Variants in ARHGAP6 observed in about 807,000 individuals in gnomAD.
ARHGAP6 encodes Rho GTPase activating protein 6.
A neutral mutation model predicts 55.7 loss-of-function variants in ARHGAP6; 16 were observed. The observed-to-expected ratio is 0.29, with a 90% CI of 0.19 to 0.44. The LOEUF is 0.44. ARHGAP6 is among the 20% of genes least tolerant of loss of function. The pLI is 1.00. For missense variants in ARHGAP6, 698 were observed against 808.9 expected, an observed-to-expected ratio of 0.86 and a Z score of 1.66; for synonymous variants, 382 against 360.9, an observed-to-expected ratio of 1.06 and a Z score of -0.66.
intron 1 of ARHGAP6, among the ~76,000 whole-genome samples, chrX:11,379,472 C>T (rs1180116074): frequency 1.8e-5 from 2 of 112,227 alleles, no homozygotes; most frequent in Non-Finnish European, 3.8e-5. Flanking sequence ...CCAGAAACTA[C>T]TGGAACCTTT....
intron 1 of ARHGAP6, among the ~76,000 whole-genome samples, chrX:11,520,104 T>C (rs1464231834): frequency 2.4e-5 from 2 of 82,837 alleles, no homozygotes; most frequent in Non-Finnish European, 4.6e-5. Context: ...AAAGGGCCAA[T>C]GTTCTTTAAC....
At chrX:11,551,733 T>C (rs1369672203) in intron 1 of ARHGAP6, among the ~76,000 whole-genome samples, 2 of 111,815 alleles carry the variant, frequency 1.8e-5, no homozygotes, top group East Asian at 2.8e-4. Context: ...GATACACACA[T>C]AGAAAGAATG....
At chrX:11,289,186 A>G (rs1390818643) in intron 1 of ARHGAP6, among the ~76,000 whole-genome samples, 1 of 106,405 alleles carries the variant, frequency 9.4e-6, no homozygotes, top group African/African-American at 3.5e-5. Context: ...TTTCCTACTC[A>G]TGATTTAAAA....
intron 2 of ARHGAP6, among the ~76,000 whole-genome samples, chrX:11,222,300 C>A (rs986324019): frequency 8.9e-6 from 1 of 112,122 alleles, no homozygotes; most frequent in Non-Finnish European, 1.9e-5. Context: ...GTTTTCAGTT[C>A]TTCTATAGCA....
intron 1 of ARHGAP6, among the ~76,000 whole-genome samples, chrX:11,275,889 G>A (rs2047756376): frequency 9.0e-6 from 1 of 111,585 alleles, no homozygotes; most frequent in Non-Finnish European, 1.9e-5. Flanking sequence ...GAGAAGCCCT[G>A]TCGTCCCCCT....
intron 1 of ARHGAP6, among the ~76,000 whole-genome samples, chrX:11,275,109 AAAACTAC>A (rs2047740840): frequency 8.9e-6 from 1 of 111,903 alleles, no homozygotes; most frequent in Admixed American, 9.5e-5. Context: ...CTTGTAATTA[AAAACTAC>A]AAACATTATA....
intron 1 of ARHGAP6, among the ~76,000 whole-genome samples, chrX:11,506,838 T>C: frequency 8.9e-6 from 1 of 112,069 alleles, no homozygotes; most frequent in African/African-American, 3.2e-5. Context: ...ATGGTTGAAC[T>C]AGTTTACAGT....
intron 1 of ARHGAP6, among the ~76,000 whole-genome samples, chrX:11,530,684 T>A (rs889387186): frequency 1.3e-4 from 15 of 111,760 alleles, no homozygotes; most frequent in African/African-American, 9.8e-5. Flanking sequence ...GATCTTTTTT[T>A]AAAAATCCTT....
intron 1 of ARHGAP6, among the ~76,000 whole-genome samples, chrX:11,540,141 C>G (rs2081973975): frequency 9.2e-6 from 1 of 109,272 alleles, no homozygotes; most frequent in African/African-American, 3.3e-5. Context: ...GTAATCCCAG[C>G]TACTCAGGAG....
At chrX:11,577,849 C>T (rs949217584) in intron 1 of ARHGAP6, among the ~76,000 whole-genome samples, 2 of 110,777 alleles carry the variant, frequency 1.8e-5, no homozygotes, top group African/African-American at 6.6e-5. Flanking sequence ...TAAAACTCAA[C>T]ACAGTCAAAA....
intron 1 of ARHGAP6, among the ~76,000 whole-genome samples, chrX:11,529,594 C>T (rs181947842): frequency 3.4e-3 from 378 of 111,554 alleles, no homozygotes; most frequent in African/African-American, 0.012. Context: ...CTTTGAGTAG[C>T]ATGGATCTAA....
At chrX:11,185,036 T>A (rs1461239080) in intron 5 of ARHGAP6, among the ~76,000 whole-genome samples, 2 of 111,954 alleles carry the variant, frequency 1.8e-5, no homozygotes, top group African/African-American at 6.5e-5. Context: ...TATTTGTGTA[T>A]CTAAATATAG....
chrX:11,322,257 G>A (rs1361906031), intron 1 of ARHGAP6, among the ~76,000 whole-genome samples: 1 of 111,923 alleles, frequency 8.9e-6, no homozygotes, highest in Non-Finnish European at 1.9e-5. Flanking sequence ...TCCTTGGCCA[G>A]TAGCAAATCA....
intron 1 of ARHGAP6, chrX:11,334,846 G>T: frequency 5.7e-6 from 1 of 174,202 alleles, no homozygotes; most frequent in South Asian, 1.1e-4. Flanking sequence ...TCCTTTCACT[G>T]CTTTGCATGA....
At chrX:11,647,166 T>C (rs1266295596) in intron 1 of ARHGAP6, among the ~76,000 whole-genome samples, 1 of 112,315 alleles carries the variant, frequency 8.9e-6, no homozygotes, top group East Asian at 2.8e-4. Flanking sequence ...TTTCCAATGG[T>C]ATTTATTATA....
chrX:11,662,635 G>T (rs770435603), intron 1 of ARHGAP6, among the ~76,000 whole-genome samples: 1 of 112,477 alleles, frequency 8.9e-6, no homozygotes, highest in African/African-American at 3.2e-5. Flanking sequence ...TGCAACAAGT[G>T]AAATCATCTA....
chrX:11,151,166 G>A (rs2045770417), intron 10 of ARHGAP6, among the ~76,000 whole-genome samples: 1 of 111,226 alleles, frequency 9.0e-6, no homozygotes, highest in South Asian at 3.8e-4. Context: ...AAGGGTAGGG[G>A]AACTATTTTA....
intron 8 of ARHGAP6, among the ~76,000 whole-genome samples, chrX:11,177,826 C>T (rs772170396): frequency 1.8e-5 from 2 of 111,891 alleles, no homozygotes; most frequent in Admixed American, 1.9e-4. Context: ...TCTTTACAAA[C>T]GGAAGTTCAG....
intron 1 of ARHGAP6, among the ~76,000 whole-genome samples, chrX:11,318,440 TAATG>T (rs1378301223): frequency 8.9e-6 from 1 of 111,976 alleles, no homozygotes; most frequent in Non-Finnish European, 1.9e-5. Context: ...GATTATGTCT[TAATG>T]AATATTATCC....
Sources: allele counts gnomAD v4.1 joint callset (sites outside exome capture counted in the v4.1 genomes callset), GRCh38; gene constraint gnomAD v4.1.1; transcripts MANE v1.5; gene names NCBI Gene and HGNC (gene_info 2026-07-23, HGNC 2026-07-21).